Variants in NME6 observed in about 807,000 individuals in gnomAD.
NME6 encodes the protein nucleoside diphosphate kinase 6, mitochondrial.
A neutral mutation model predicts 22.2 loss-of-function variants in NME6; 16 were observed. That is an observed-to-expected ratio of 0.72 (90% CI 0.49 to 1.09). The LOEUF is 1.09. NME6 is among the 50% of genes least tolerant of loss of function. NME6 has a pLI of 0.00. For missense variants in NME6, 229 were observed against 239.0 expected, an observed-to-expected ratio of 0.96 and a Z score of 0.28; for synonymous variants, 58 against 85.2, an observed-to-expected ratio of 0.68 and a Z score of 1.76.
rs2034766962 is a variant in NME6, at chr3:48,293,939, A to C, written c.*698T>G. On this transcript the variant is annotated 3_prime_UTR_variant, in exon 6 of 6. Coordinates refer to ENST00000442597, the MANE Select transcript of NME6 (RefSeq NM_001308426.2). ...ATGAAGCAATAACTGAATGCTGCTG[A>C]GAAGTCAGAATGATGAAGCCTGAAA... 6.6e-6 allele frequency: 1 copy of C among 152,274 alleles called. No individual in the cohort carries two copies. Among genetic ancestry groups the C allele is most frequent in the African/African-American group, 2.4e-5 (1 of 41,472 alleles). 9.4% of individuals were successfully genotyped at this position (152,274 alleles called of 1,614,324 possible). A position where few individuals can be genotyped will look rare whatever the true frequency, so the allele number is the denominator to read the frequency against.
Position 48,298,512 on chromosome 3 carries a change from G to C in NME6, c.5C>G (p.Ala2Gly), listed in dbSNP as rs747473393. ...AGCCTGAGGGCTTCGCAAGATTGAG[G>C]CCATCTCACTCCTGCCATTAGAGAG... M[A>G]SILRSPQALQ... The change falls in exon 2 of 6, where the codon GCC becomes GGC. Residue 2 changes from alanine to glycine, a missense_variant. Coordinates refer to ENST00000442597, the MANE Select transcript of NME6 (RefSeq NM_001308426.2). 1.2e-6 allele frequency: 2 copies of C among 1,603,550 alleles called. No individual in the cohort carries two copies. The highest frequency in any genetic ancestry group is 2.2e-5 in the East Asian group (1 of 44,754).
chr3:48,297,275 T>C (rs2035216924), intron 2 of NME6, among the ~76,000 whole-genome samples: 1 of 152,210 alleles, frequency 6.6e-6, no homozygotes, highest in Non-Finnish European at 1.5e-5. Flanking sequence ...ATACTTTCCT[T>C]ACTCTGTACC....
At chr3:48,288,963 A>G (rs2106870084), downstream of NME6, among the ~76,000 whole-genome samples, 1 of 152,276 alleles carries the variant, frequency 6.6e-6, no homozygotes, top group Admixed American at 6.5e-5. Flanking sequence ...GTGAGTGGTG[A>G]GAGAGGACAC....
downstream of NME6, chr3:48,288,512 T>G (rs1050437188): frequency 6.6e-6 from 1 of 152,186 alleles, no homozygotes; most frequent in African/African-American, 2.4e-5. Flanking sequence ...GATACAGGCA[T>G]GAAGAAAACA....
At chr3:48,290,887 ATTC>A (rs2034405410), downstream of NME6, 2 of 235,554 alleles carry the variant, frequency 8.5e-6, no homozygotes, top group South Asian at 6.5e-5. Flanking sequence ...GAATCTTAGG[ATTC>A]TTCTTTTAAG....
intron 1 of NME6, 98 bp from the exon 2 acceptor site, chr3:48,298,621 A>G (rs2035376839): frequency 1.4e-6 from 1 of 730,454 alleles, no homozygotes. Flanking sequence ...GAGTGCTCTC[A>G]CTCCTGACAC....
In NME6 at chr3:48,293,199, C is replaced by T. The variant is rs1351439795; in HGVS notation, c.*1438G>A. 3 of 152,250 alleles carry T rather than the reference C, an allele frequency of 2.0e-5. No individual in the cohort carries two copies. The highest frequency in any genetic ancestry group is 7.2e-5 in the African/African-American group (3 of 41,462). The allele number at this position is 152,250 out of a possible 1,614,324, so 9.4% of individuals were successfully genotyped here. A position where few individuals can be genotyped will look rare whatever the true frequency, so the allele number is the denominator to read the frequency against. ...AGCTCTAAGTCCCAGGCTCACTTCTCTTGAGTTTCCTTCGTGTCCTGAATT... is the reference window on the plus strand; with the variant it reads ...AGCTCTAAGTCCCAGGCTCACTTCTTTTGAGTTTCCTTCGTGTCCTGAATT... On this transcript the variant is annotated 3_prime_UTR_variant, in exon 6 of 6. Coordinates refer to ENST00000442597, the MANE Select transcript of NME6 (RefSeq NM_001308426.2).
intron 2 of NME6, 93 bp downstream of exon 2, chr3:48,298,334 G>C: frequency 9.2e-7 from 1 of 1,086,790 alleles, no homozygotes; most frequent in Non-Finnish European, 1.4e-6. Flanking sequence ...TCCAGCACAA[G>C]TCTGTGTTGT....
chr3:48,297,361 C>G (rs1214255477), intron 2 of NME6: 1 of 153,238 alleles, frequency 6.5e-6, no homozygotes, highest in East Asian at 1.9e-4. Context: ...CAGCGTCTCC[C>G]TTCTGTGCAA....
At chr3:48,294,925 GA>G in intron 5 of NME6, 122 bp from the exon 6 acceptor site, 2 of 1,398,678 alleles carry the variant, frequency 1.4e-6, no homozygotes, top group Non-Finnish European at 2.0e-6. Flanking sequence ...GGCATGTAAA[GA>G]AAGTCCACAG....
chr3:48,295,840 C>T (rs1273490165), intron 4 of NME6: 12 of 479,686 alleles, frequency 2.5e-5, no homozygotes, highest in Non-Finnish European at 4.1e-5. Context: ...CTCAGCCTCC[C>T]GAGTAGCTGG....
downstream of NME6, chr3:48,292,240 G>C (rs2106896673): frequency 6.6e-6 from 1 of 152,302 alleles, no homozygotes; most frequent in African/African-American, 2.4e-5. Flanking sequence ...TCTCACATCA[G>C]TGCAAAGGAC....
At chr3:48,289,590 G>A (rs1384880694), downstream of NME6, among the ~76,000 whole-genome samples, 1 of 152,130 alleles carries the variant, frequency 6.6e-6, no homozygotes, top group African/African-American at 2.4e-5. Context: ...TCTCCTGGCT[G>A]CTCCTCCCTT....
chr3:48,297,018 G>T (rs141357147), intron 2 of NME6, among the ~76,000 whole-genome samples, 189 bp from the exon 3 acceptor site: 1 of 152,044 alleles, frequency 6.6e-6, no homozygotes, highest in African/African-American at 2.4e-5. Flanking sequence ...AAGGGGATAG[G>T]ATGCGCTGTC....
At position 48,295,220 on chromosome 3, in the gene NME6, G is replaced by A. The variant is rs762771684; in HGVS notation, c.249C>T (p.Ala83=). 4.3e-6 allele frequency: 7 copies of A among 1,613,578 alleles called. No individual in the cohort carries two copies. The Admixed American group carries it at 1.2e-4, about 27-fold the overall frequency. Residue 83 remains alanine, a synonymous_variant, in exon 5 of 6, where the codon GCC becomes GCT. Transcript: ENST00000442597. The part of the protein sequence containing the change: ...VEFMASGPIR[A]YILAHKDAIQ... ...TGGCATCCTTGTGGGCAAGGATGTAGGCTCGGATTGGCCCGCTGTGAACAA... is the reference window on the plus strand; with the variant it reads ...TGGCATCCTTGTGGGCAAGGATGTAAGCTCGGATTGGCCCGCTGTGAACAA...
At chr3:48,297,305 C>T (rs564894585) in intron 2 of NME6, among the ~76,000 whole-genome samples, 13 of 152,358 alleles carry the variant, frequency 8.5e-5, no homozygotes, top group East Asian at 3.9e-4. Context: ...GTCTCACCAT[C>T]GCAGGCTGCC....
At chr3:48,296,903 C>T in intron 2 of NME6, 74 bp from the exon 3 acceptor site, 1 of 1,157,414 alleles carries the variant, frequency 8.6e-7, no homozygotes, top group Admixed American at 1.9e-5. Flanking sequence ...ATGAGGACCA[C>T]TTGTTGCTCA....
intron 4 of NME6, 96 bp from the exon 5 acceptor site, chr3:48,295,331 G>T: frequency 7.3e-7 from 1 of 1,362,052 alleles, no homozygotes; most frequent in Non-Finnish European, 9.9e-7. Context: ...TCTACGTTCT[G>T]AGAGTTTTCC....
chr3:48,298,804 T>C, intron 1 of NME6: 1 of 609,838 alleles, frequency 1.6e-6, no homozygotes, highest in Non-Finnish European at 2.9e-6. Flanking sequence ...TAAAAGAAAC[T>C]CAAGTTTAAA....
Sources: allele counts gnomAD v4.1 joint callset (sites outside exome capture counted in the v4.1 genomes callset), GRCh38; gene constraint gnomAD v4.1.1; transcripts MANE v1.5; gene names NCBI Gene and HGNC (gene_info 2026-07-23, HGNC 2026-07-21).